Variants in LINGO2 observed in about 807,000 individuals in gnomAD.
LINGO2 encodes leucine rich repeat and Ig domain containing 2, also known as leucine-rich repeat and immunoglobulin-like domain-containing nogo receptor-interacting protein 2.
Under a neutral mutation model 30.6 loss-of-function variants are expected in LINGO2, and 14 were observed. That is an observed-to-expected ratio of 0.46 (90% CI 0.30 to 0.72). LINGO2 has a LOEUF of 0.72. Ranked by LOEUF, LINGO2 falls within the 30% of genes least tolerant of loss-of-function variation. The probability of loss-of-function intolerance (pLI) is 0.07; values close to 1 mark genes in which losing one functional copy is unlikely to be tolerated. For missense variants in LINGO2, 729 were observed against 751.7 expected (o/e 0.97, Z 0.35); for synonymous variants, 317 against 288.5 (o/e 1.10, Z -1.00).
intron 2 of LINGO2, among the ~76,000 whole-genome samples, chr9:28,435,027 A>G (rs1417436980): frequency 2.6e-5 from 4 of 152,172 alleles, no homozygotes; most frequent in Non-Finnish European, 5.9e-5. Context: ...CCCTGTGAAA[A>G]GACCCACTTT....
chr9:28,774,057 C>T, the LINGO2 span, among the ~76,000 whole-genome samples: 3 of 150,966 alleles, frequency 2.0e-5, no homozygotes, highest in Admixed American at 1.3e-4. Flanking sequence ...CACACACACA[C>T]ACACACACAC....
intron 3 of LINGO2, among the ~76,000 whole-genome samples, chr9:28,296,189 T>C: frequency 6.6e-6 from 1 of 152,216 alleles, no homozygotes; most frequent in East Asian, 1.9e-4. Flanking sequence ...AGAGAAAACC[T>C]ATGTATAATC....
rs181510988 is a variant in LINGO2, at chr9:28,292,130, G to A, written c.-87+3078C>T. Among the ~76,000 whole-genome samples, 5 of 152,298 alleles carry A rather than the reference G, an allele frequency of 3.3e-5. 1 individual carries two copies. The East Asian group carries it at 9.7e-4, about 29-fold the overall frequency. The stretch of plus-strand genomic sequence containing the variant: ...TATCTGCATCATTTGATCTGTGGAA[G>A]CACTTGTTTGGATAAGTTAGGCTCC... On this transcript the variant is annotated intron_variant, in intron 4 of 5. Coordinates refer to ENST00000379992, the Ensembl canonical transcript of LINGO2.
At chr9:28,767,392 C>T in the LINGO2 span, among the ~76,000 whole-genome samples, 21 of 152,040 alleles carry the variant, frequency 1.4e-4, no homozygotes, top group African/African-American at 5.1e-4. Context: ...AAAAATGCTG[C>T]CCTGACATTT....
intron 5 of LINGO2, among the ~76,000 whole-genome samples, chr9:27,963,954 T>A (rs984270208): frequency 2.6e-5 from 4 of 152,092 alleles, no homozygotes; most frequent in Non-Finnish European, 5.9e-5. Context: ...CAGGGTTACC[T>A]AAGTTCTTTG....
At chr9:28,567,058 CAAAT>C (rs1379669637) in intron 1 of LINGO2, among the ~76,000 whole-genome samples, 2 of 152,072 alleles carry the variant, frequency 1.3e-5, no homozygotes. Flanking sequence ...AAACAATAAA[CAAAT>C]AAACCTTATT....
chr9:28,902,619 T>C, the LINGO2 span, among the ~76,000 whole-genome samples: 17 of 152,234 alleles, frequency 1.1e-4, no homozygotes, highest in South Asian at 2.1e-4. Context: ...TTCTTCAGCA[T>C]AGATAATACA....
chr9:28,019,235 T>C (rs748733602), intron 4 of LINGO2, among the ~76,000 whole-genome samples: 7 of 151,122 alleles, frequency 4.6e-5, no homozygotes, highest in Non-Finnish European at 1.5e-5. Context: ...AGTTTGCTAA[T>C]ATAACAAAGC....
At chr9:28,549,240 T>A (rs1229308300) in intron 1 of LINGO2, among the ~76,000 whole-genome samples, 2 of 152,130 alleles carry the variant, frequency 1.3e-5, no homozygotes. Flanking sequence ...ACTGTCAGTA[T>A]CCATCCCCAA....
chr9:28,075,209 T>A (rs1825589457), intron 4 of LINGO2, among the ~76,000 whole-genome samples: 1 of 151,946 alleles, frequency 6.6e-6, no homozygotes, highest in South Asian at 2.1e-4. Context: ...GTATAAGGAG[T>A]ATCAAAGCAT....
At chr9:28,851,995 T>C in the LINGO2 span, among the ~76,000 whole-genome samples, 1 of 151,848 alleles carries the variant, frequency 6.6e-6, no homozygotes, top group Non-Finnish European at 1.5e-5. Flanking sequence ...TATTTTTCCA[T>C]AAATCATTAA....
In LINGO2 at chr9:28,464,530, T is replaced by A. The variant is rs368051453; in HGVS notation, c.-279+11410A>T. On this transcript the variant is annotated intron_variant, in intron 2 of 5. Transcript: ENST00000379992. ...TCCTTATATGCAAAACTAAAAATGTTCCTGCTTTGAAAGCCATGTGTTTGT... is the reference window on the plus strand; with the variant it reads ...TCCTTATATGCAAAACTAAAAATGTACCTGCTTTGAAAGCCATGTGTTTGT... 1.3e-4 allele frequency among the ~76,000 whole-genome samples: 20 copies of A among 152,308 alleles called. No individual in the cohort carries two copies. The East Asian group carries it at 2.5e-3, about 19-fold the overall frequency.
the LINGO2 span, among the ~76,000 whole-genome samples, chr9:29,006,245 G>C: frequency 6.4e-3 from 978 of 151,790 alleles, 13 homozygotes; most frequent in African/African-American, 0.023. Context: ...TCAAACAAAC[G>C]GGGAATTATT....
chr9:28,093,204 T>A (rs1826147550), intron 4 of LINGO2, among the ~76,000 whole-genome samples: 1 of 152,020 alleles, frequency 6.6e-6, no homozygotes, highest in African/African-American at 2.4e-5. Context: ...GAGAAAGAAA[T>A]GTAAGAAGCA....
intron 3 of LINGO2, among the ~76,000 whole-genome samples, chr9:28,317,286 A>G (rs1433559103): frequency 6.6e-6 from 1 of 152,180 alleles, no homozygotes; most frequent in Non-Finnish European, 1.5e-5. Flanking sequence ...CTGAAATTCT[A>G]GATTGACCTT....
chr9:28,051,250 CAG>C (rs755962471), intron 4 of LINGO2, among the ~76,000 whole-genome samples: 14 of 151,898 alleles, frequency 9.2e-5, no homozygotes, highest in Non-Finnish European at 1.6e-4. Flanking sequence ...TGAAAACTAT[CAG>C]AAAGAATATA....
the LINGO2 span, among the ~76,000 whole-genome samples, chr9:28,816,742 C>A: frequency 6.6e-6 from 1 of 152,088 alleles, no homozygotes; most frequent in Non-Finnish European, 1.5e-5. Flanking sequence ...ACAATCAAAA[C>A]CTTGTAAAAT....
intron 4 of LINGO2, among the ~76,000 whole-genome samples, chr9:28,108,552 G>GA (rs997602748): frequency 6.6e-6 from 1 of 152,034 alleles, no homozygotes; most frequent in Non-Finnish European, 1.5e-5. Flanking sequence ...GGAAGGGAAA[G>GA]AAAAAATATA....
intron 3 of LINGO2, among the ~76,000 whole-genome samples, chr9:28,362,984 T>C (rs1820511651): frequency 6.6e-6 from 1 of 152,092 alleles, no homozygotes; most frequent in South Asian, 2.1e-4. Context: ...AAGTGTAGAG[T>C]GTGAAAACCT....
Sources: allele counts gnomAD v4.1 joint callset (sites outside exome capture counted in the v4.1 genomes callset), GRCh38; gene constraint gnomAD v4.1.1; transcripts MANE v1.5; gene names NCBI Gene and HGNC (gene_info 2026-07-23, HGNC 2026-07-21).